Variants in EPHA6 observed in about 807,000 individuals in gnomAD.
The protein encoded by EPHA6 is EPH receptor A6, also known as ephrin type-A receptor 6.
Under a neutral mutation model 112.0 loss-of-function variants are expected in EPHA6, and 50 were observed. That is an observed-to-expected ratio of 0.45 (90% CI 0.36 to 0.56). The LOEUF is 0.56. Among genes scored for constraint, EPHA6 ranks in the 20% least tolerant of loss-of-function variants. EPHA6 has a pLI of 0.00. For synonymous variants in EPHA6, 529 were observed against 490.7 expected (o/e 1.08, Z -1.03); for missense variants, 1,280 against 1,417.4 (o/e 0.90, Z 1.56).
intron 2 of EPHA6, among the ~76,000 whole-genome samples, chr3:96,901,847 A>G (rs1418232919): frequency 6.6e-6 from 1 of 152,190 alleles, no homozygotes; most frequent in African/African-American, 2.4e-5. Flanking sequence ...CTATTTGGAT[A>G]TGATTGATAT....
At chr3:97,315,332 G>A (rs746510865) in intron 5 of EPHA6, among the ~76,000 whole-genome samples, 7 of 151,754 alleles carry the variant, frequency 4.6e-5, no homozygotes, top group Non-Finnish European at 7.4e-5. Flanking sequence ...ACAGCAATAT[G>A]CCTGTTGAAT....
intron 5 of EPHA6, among the ~76,000 whole-genome samples, chr3:97,324,010 CTGAG>C (rs1486605801): frequency 6.6e-6 from 1 of 151,886 alleles, no homozygotes; most frequent in Non-Finnish European, 1.5e-5. Context: ...CTTCTGTTGA[CTGAG>C]TGACCGTCCA....
intron 1 of EPHA6, among the ~76,000 whole-genome samples, chr3:96,855,722 A>T (rs1478241944): frequency 6.6e-6 from 1 of 152,098 alleles, no homozygotes; most frequent in Non-Finnish European, 1.5e-5. Context: ...AGATTCCTGA[A>T]GAACATAAAA....
intron 3 of EPHA6, among the ~76,000 whole-genome samples, chr3:97,141,012 T>A (rs2075886887): frequency 6.6e-6 from 1 of 151,936 alleles, no homozygotes; most frequent in African/African-American, 2.4e-5. Flanking sequence ...AAAACAATGA[T>A]GACCAGGAGT....
At chr3:97,707,127 G>A (rs1274774014) in intron 14 of EPHA6, among the ~76,000 whole-genome samples, 2 of 152,054 alleles carry the variant, frequency 1.3e-5, no homozygotes, top group Admixed American at 1.3e-4. Flanking sequence ...TGACTAAAAA[G>A]GAACTGAAAG....
chr3:97,274,559 C>T (rs971273962), intron 5 of EPHA6, among the ~76,000 whole-genome samples: 2 of 152,080 alleles, frequency 1.3e-5, no homozygotes, highest in Admixed American at 6.5e-5. Context: ...AATATTGATG[C>T]GTAGTCCTTT....
intron 6 of EPHA6, among the ~76,000 whole-genome samples, chr3:97,442,099 A>G (rs993212045): frequency 2.0e-5 from 3 of 152,194 alleles, no homozygotes; most frequent in Non-Finnish European, 4.4e-5. Context: ...CTTAGAAACA[A>G]GAATAGAAAT....
rs540602998 is a variant in EPHA6 at position 97,754,308 on chromosome 3, G to A, written c.*5607G>A. Among the ~76,000 whole-genome samples, 3 of 152,078 alleles carry A rather than the reference G, an allele frequency of 2.0e-5. No individual in the cohort carries two copies. The highest frequency in any genetic ancestry group is 4.1e-4 in the South Asian group (2 of 4,820). ...TCTCCATGTTGGTTAGGCTGGTCTCGAACTCCCGACCTCAGGTGATCTGCC... is the reference window on the plus strand; with the variant it reads ...TCTCCATGTTGGTTAGGCTGGTCTCAAACTCCCGACCTCAGGTGATCTGCC... On this transcript the variant is annotated 3_prime_UTR_variant, in exon 18 of 18. Coordinates refer to ENST00000389672, the MANE Select transcript of EPHA6 (RefSeq NM_001080448.3).
chr3:97,214,038 T>TGTGTGTGTGTGA lies in EPHA6; in HGVS notation c.1115-12225_1115-12224insTGTGTGTGTGAG, dbSNP rs1491420279. ...GTGTGTGTGTGTGTGTGTGTGTGTG[T>TGTGTGTGTGTGA]GAGAGAGAGAGAGAGAGGGAGAGGG... On this transcript the variant is annotated intron_variant, in intron 3 of 17. Transcript: ENST00000389672. 2.7e-3 allele frequency among the ~76,000 whole-genome samples: 210 copies of TGTGTGTGTGTGA among 77,832 alleles called. 2 individuals carry two copies. Among genetic ancestry groups the TGTGTGTGTGTGA allele is most frequent in the African/African-American group, 6.6e-3 (190 of 28,650 alleles). The allele number at this position is 77,832 out of a possible 152,430, so 51.1% of individuals were successfully genotyped here.
chr3:97,547,714 T>A (rs1352749621), intron 11 of EPHA6, among the ~76,000 whole-genome samples: 1 of 152,212 alleles, frequency 6.6e-6, no homozygotes, highest in African/African-American at 2.4e-5. Context: ...CTCCACCCAG[T>A]TCGAGCTTCC....
intron 3 of EPHA6, among the ~76,000 whole-genome samples, chr3:96,993,979 G>A (rs745387917): frequency 6.6e-6 from 1 of 152,120 alleles, no homozygotes; most frequent in Non-Finnish European, 1.5e-5. Context: ...TTAAATTGAT[G>A]TATATTTAAA....
chr3:97,620,804 C>T (rs2093807778), intron 13 of EPHA6, among the ~76,000 whole-genome samples: 3 of 152,088 alleles, frequency 2.0e-5, no homozygotes, highest in South Asian at 2.1e-4. Flanking sequence ...AATGGCTATA[C>T]ACTGTTGGTG....
At chr3:97,307,286 A>G (rs145960665) in intron 5 of EPHA6, among the ~76,000 whole-genome samples, 3,108 of 151,882 alleles carry the variant, frequency 0.02, 60 homozygotes, top group Non-Finnish European at 0.029. Flanking sequence ...ATGAAATTCC[A>G]TACAATAGAG....
At chr3:97,241,037 C>T (rs1043278329) in intron 4 of EPHA6, among the ~76,000 whole-genome samples, 7 of 151,196 alleles carry the variant, frequency 4.6e-5, no homozygotes, top group African/African-American at 1.7e-4. Flanking sequence ...TGGGACCTAC[C>T]GGGACAGATG....
At chr3:97,467,987 T>G (rs2091110373) in intron 7 of EPHA6, among the ~76,000 whole-genome samples, 1 of 151,734 alleles carries the variant, frequency 6.6e-6, no homozygotes, top group Non-Finnish European at 1.5e-5. Context: ...TCATTTGGCA[T>G]TTTTACCTGA....
At chr3:97,658,882 T>C (rs1218064476) in intron 14 of EPHA6, among the ~76,000 whole-genome samples, 1 of 151,896 alleles carries the variant, frequency 6.6e-6, no homozygotes, top group Non-Finnish European at 1.5e-5. Flanking sequence ...TTGTGGTGAA[T>C]GAATGGAACC....
intron 15 of EPHA6, among the ~76,000 whole-genome samples, chr3:97,727,595 C>CT (rs2034833170): frequency 6.6e-6 from 1 of 151,948 alleles, no homozygotes; most frequent in Non-Finnish European, 1.5e-5. Context: ...TGTAATGGTC[C>CT]TTGTGTAATG....
chr3:97,265,918 A>G (rs552370096), intron 5 of EPHA6, among the ~76,000 whole-genome samples: 211 of 152,366 alleles, frequency 1.4e-3, no homozygotes, highest in Non-Finnish European at 2.4e-3. Context: ...TTATAAAAGC[A>G]GGCATTGGGC....
chr3:97,236,363 A>C (rs1347576495), intron 4 of EPHA6, among the ~76,000 whole-genome samples: 1 of 151,868 alleles, frequency 6.6e-6, no homozygotes, highest in Non-Finnish European at 1.5e-5. Context: ...GGTGAGTGAG[A>C]GGTTAGAAAA....
Sources: gnomAD v4.1 joint callset for allele counts (sites outside exome capture counted in the v4.1 genomes callset) on GRCh38, gnomAD v4.1.1 for gene constraint, MANE v1.5 for transcripts, NCBI Gene and HGNC (gene_info 2026-07-23, HGNC 2026-07-21) for gene names.